The following GALNT14 variants were observed in gnomAD, a reference collection of about 807,000 sequenced individuals.
The protein encoded by GALNT14 is polypeptide N-acetylgalactosaminyltransferase 14, also known as UDP-GalNAc:polypeptide N-acetylgalactosaminyltransferase 14.
In GALNT14, 60 loss-of-function variants were observed where a neutral mutation model predicts 77.5. The ratio of observed to expected loss-of-function variants is 0.77; its 90% CI spans 0.63 to 0.96. The LOEUF (loss-of-function observed/expected upper bound fraction) is 0.96, where lower values mean the gene tolerates loss of function less well. Among genes scored for constraint, GALNT14 ranks in the 40% least tolerant of loss-of-function variants. The pLI is 0.00. For missense variants in GALNT14, 710 were observed against 731.0 expected, an observed-to-expected ratio of 0.97 and a Z score of 0.33; for synonymous variants, 280 against 281.7, an observed-to-expected ratio of 0.99 and a Z score of 0.06.
chr2:30,914,273 C>T (rs911741126), intron 13 of GALNT14, among the ~76,000 whole-genome samples: 2 of 152,168 alleles, frequency 1.3e-5, no homozygotes, highest in East Asian at 3.9e-4. Flanking sequence ...CACCAACTTT[C>T]TCCAGCAGCT....
chr2:31,111,507 T>C (rs1677832789), intron 1 of GALNT14, among the ~76,000 whole-genome samples: 1 of 152,136 alleles, frequency 6.6e-6, no homozygotes, highest in Non-Finnish European at 1.5e-5. Context: ...TAGGGATACT[T>C]TCCTATAAGC....
At chr2:30,960,483 C>T (rs572220506) in intron 3 of GALNT14, among the ~76,000 whole-genome samples, 1 of 151,142 alleles carries the variant, frequency 6.6e-6, no homozygotes, top group South Asian at 2.1e-4. Context: ...GGGTTTAAAA[C>T]AGAAAAGAAA....
At chr2:31,057,348 ATGTGTGTGTG>A (rs35039993) in intron 1 of GALNT14, among the ~76,000 whole-genome samples, 2 of 111,940 alleles carry the variant, frequency 1.8e-5, no homozygotes, top group African/African-American at 7.2e-5. Context: ...ACGTATATAT[ATGTGTGTGTG>A]TGTGTGTGTG....
chr2:31,068,527 A>G (rs1386799978), intron 1 of GALNT14, among the ~76,000 whole-genome samples: 1 of 148,628 alleles, frequency 6.7e-6, no homozygotes, highest in Non-Finnish European at 1.5e-5. Context: ...AAAAAAAAAG[A>G]AAAGAAAAGA....
chr2:31,023,046 A>G (rs959284191), intron 1 of GALNT14, among the ~76,000 whole-genome samples: 1 of 152,156 alleles, frequency 6.6e-6, no homozygotes, highest in Admixed American at 6.6e-5. Context: ...GGAAGGGCGC[A>G]TTTGAGAGAG....
At chr2:31,097,403 G>C (rs1018825686) in intron 1 of GALNT14, among the ~76,000 whole-genome samples, 1 of 151,956 alleles carries the variant, frequency 6.6e-6, no homozygotes, top group African/African-American at 2.4e-5. Flanking sequence ...TCCAAGGGCA[G>C]AGAATTAACT....
chr2:31,138,391 G>A lies in GALNT14; in HGVS notation c.-305C>T. 2 of 380,032 alleles carry A rather than the reference G, an allele frequency of 5.3e-6. No individual in the cohort carries two copies. The highest frequency in any genetic ancestry group is 9.3e-6 in the Non-Finnish European group (2 of 214,222). 23.5% of individuals were successfully genotyped at this position (380,032 alleles called of 1,614,324 possible). On this transcript the variant is annotated 5_prime_UTR_variant, in exon 1 of 15. Coordinates refer to ENST00000349752, the MANE Select transcript of GALNT14 (RefSeq NM_024572.4). Reference sequence around the variant, plus strand: ...AGATGTTCCCCACGCCGCCACCGCGGCTGCCGCCGCCGCCGCCGCCGCCTT... The same window carrying A: ...AGATGTTCCCCACGCCGCCACCGCGACTGCCGCCGCCGCCGCCGCCGCCTT...
intron 1 of GALNT14, among the ~76,000 whole-genome samples, chr2:31,035,627 A>G (rs1293247528): frequency 7.0e-6 from 1 of 142,130 alleles, no homozygotes; most frequent in African/African-American, 2.6e-5. Context: ...CTACACACAC[A>G]CACACACACA....
chr2:30,960,320 T>C (rs2148329490), intron 3 of GALNT14, among the ~76,000 whole-genome samples: 1 of 152,312 alleles, frequency 6.6e-6, no homozygotes. Flanking sequence ...CTAATGAGGT[T>C]TGATTACGGC....
chr2:30,890,227 TC>T, the GALNT14 span, among the ~76,000 whole-genome samples: 7 of 152,310 alleles, frequency 4.6e-5, no homozygotes, highest in East Asian at 1.4e-3. Flanking sequence ...CAGATTTCTC[TC>T]TGGGAAGATA....
At chr2:31,035,858 T>C (rs961533049) in intron 1 of GALNT14, among the ~76,000 whole-genome samples, 1 of 151,722 alleles carries the variant, frequency 6.6e-6, no homozygotes, top group Non-Finnish European at 1.5e-5. Context: ...GGGACTACTG[T>C]AGGGTGGATG....
In GALNT14 at chr2:31,034,175, A is replaced by G. The variant is rs1862963; in HGVS notation, c.130-41168T>C. ...CCAAATAGCCATCAAATCCTGTGAC[A>G]TCTCTCTTCCTTCTTAATCTCCCTT... On this transcript the variant is annotated intron_variant, in intron 1 of 14. Transcript: ENST00000349752. Among the ~76,000 whole-genome samples the G allele has an allele frequency of 1.4e-4, 22 of 152,188 alleles. No homozygotes were observed. In the South Asian group the frequency reaches 4.4e-3, roughly 30 times the overall value.
rs752120965 is a variant in GALNT14, at chr2:30,955,782, C to A, written c.533-43G>T. On this transcript the variant is annotated intron_variant, in intron 5 of 14. Transcript: ENST00000349752. ...TGACGAAGTGGGTGCCACTGTCACT[C>A]CATTGTCCAGCGAGACCAGGGAGAA... The A allele has an allele frequency of 1.9e-6, 3 of 1,612,174 alleles. No homozygotes were observed. The South Asian group carries it at 3.3e-5, about 18-fold the overall frequency.
At chr2:31,018,984 C>T (rs911836107) in intron 1 of GALNT14, among the ~76,000 whole-genome samples, 6 of 152,060 alleles carry the variant, frequency 3.9e-5, no homozygotes, top group African/African-American at 1.4e-4. Context: ...GTGAAGGGGG[C>T]CGGTGATGGG....
chr2:31,124,702 C>T (rs138749567), intron 1 of GALNT14, among the ~76,000 whole-genome samples: 97 of 152,230 alleles, frequency 6.4e-4, no homozygotes, highest in African/African-American at 2.2e-3. Flanking sequence ...CTCACTGCAA[C>T]CTCCCAGGCA....
intron 13 of GALNT14, 100 bp downstream of exon 13, chr2:30,924,019 G>A (rs1665196400): frequency 7.8e-7 from 1 of 1,289,666 alleles, no homozygotes; most frequent in Admixed American, 1.8e-5. Context: ...GAATAAATGG[G>A]CATCTGATGT....
Position 30,938,359 on chromosome 2 carries a change from T to TACACACACAC in GALNT14, c.931+3832_931+3841dup, listed in dbSNP as rs151007812. Among the ~76,000 whole-genome samples, 100 of 140,958 alleles carry TACACACACAC rather than the reference T, an allele frequency of 7.1e-4. 2 individuals are homozygous for TACACACACAC. The South Asian group carries it at 8.2e-3, about 12-fold the overall frequency. The allele number at this position is 140,958 out of a possible 152,430, so 92.5% of individuals were successfully genotyped here. On this transcript the variant is annotated intron_variant, in intron 9 of 14. Coordinates refer to ENST00000349752, the MANE Select transcript of GALNT14 (RefSeq NM_024572.4). ...TTATACTAGGGCAACAGATTCCTTTTACACACACACACACACACACACACA... is the reference window on the plus strand; with the variant it reads ...TTATACTAGGGCAACAGATTCCTTTTACACACACACACACACACACACACACACACACACA...
At chr2:30,936,189 T>C (rs1265504569) in intron 9 of GALNT14, among the ~76,000 whole-genome samples, 6 of 151,734 alleles carry the variant, frequency 4.0e-5, no homozygotes, top group African/African-American at 1.5e-4. Context: ...TTCCCCCCAC[T>C]TTCCTTCTGT....
At chr2:30,929,319 G>T in intron 11 of GALNT14, 76 bp downstream of exon 11, 1 of 1,136,756 alleles carries the variant, frequency 8.8e-7, no homozygotes, top group East Asian at 2.4e-5. Flanking sequence ...CTGGCCTATC[G>T]GCACCCATTT....
Sources: allele counts gnomAD v4.1 joint callset (sites outside exome capture counted in the v4.1 genomes callset), GRCh38; gene constraint gnomAD v4.1.1; transcripts MANE v1.5; gene names NCBI Gene and HGNC (gene_info 2026-07-23, HGNC 2026-07-21).